PCMTD2: variants seen among roughly 807,000 people sequenced by gnomAD.
PCMTD2 encodes the protein protein-L-isoaspartate O-methyltransferase domain-containing protein 2.
A neutral mutation model predicts 33.4 loss-of-function variants in PCMTD2; 16 were observed. The observed-to-expected ratio is 0.48, with a 90% CI of 0.32 to 0.73. The LOEUF (loss-of-function observed/expected upper bound fraction) is 0.73, where lower values mean the gene tolerates loss of function less well. Among genes scored for constraint, PCMTD2 ranks in the 30% least tolerant of loss-of-function variants. The pLI, the probability that PCMTD2 is intolerant of heterozygous loss-of-function variation, is 0.03. For synonymous variants in PCMTD2, 161 were observed against 160.8 expected, an observed-to-expected ratio of 1.00 and a Z score of -0.01; for missense variants, 374 against 449.9, an observed-to-expected ratio of 0.83 and a Z score of 1.53.
intron 5 of PCMTD2, among the ~76,000 whole-genome samples, chr20:64,269,690 A>G (rs1985804935): frequency 6.6e-6 from 1 of 151,628 alleles, no homozygotes; most frequent in African/African-American, 2.4e-5. Flanking sequence ...TATGGGGTCA[A>G]AGTGAGTGTA....
chr20:64,261,654 G>A (rs767121549), intron 2 of PCMTD2, among the ~76,000 whole-genome samples: 23 of 152,018 alleles, frequency 1.5e-4, no homozygotes, highest in Non-Finnish European at 1.2e-4. Flanking sequence ...TTTTGAGACC[G>A]ATTATTTTGG....
At position 64,275,878 on chromosome 20, in the gene PCMTD2, A is replaced by C. The variant is rs1986078224; in HGVS notation, c.*2278A>C. Reference sequence around the variant, plus strand: ...AACAAGTTTCAAGTTTATAGATATTAAGTTTGTAATGTGAGCATCAAATGT... The same window carrying C: ...AACAAGTTTCAAGTTTATAGATATTCAGTTTGTAATGTGAGCATCAAATGT... On this transcript the variant is annotated 3_prime_UTR_variant, in exon 6 of 6. Transcript: ENST00000308824. The C allele has an allele frequency of 6.6e-6, 1 of 152,226 alleles. No individual in the cohort carries two copies. The highest frequency in any genetic ancestry group is 2.4e-5 in the African/African-American group (1 of 41,450). 9.4% of individuals were successfully genotyped at this position (152,226 alleles called of 1,614,324 possible). A position where few individuals can be genotyped will look rare whatever the true frequency, so the allele number is the denominator to read the frequency against.
rs571323248 is a variant in PCMTD2 at position 64,273,818 on chromosome 20, A to G, written c.*218A>G. On this transcript the variant is annotated 3_prime_UTR_variant, in exon 6 of 6. Transcript: ENST00000308824. ...CATAGTTCCACAAGACCTTCATTGC[A>G]TAGAAGATTGTTTTCCCAAAGTGGA... The G allele has an allele frequency of 1.4e-4, 59 of 416,490 alleles. No homozygotes were observed. The highest frequency in any genetic ancestry group is 1.1e-3 in the African/African-American group (54 of 49,034). The allele number at this position is 416,490 out of a possible 1,614,324, so 25.8% of individuals were successfully genotyped here. A position where few individuals can be genotyped will look rare whatever the true frequency, so the allele number is the denominator to read the frequency against.
intron 2 of PCMTD2, among the ~76,000 whole-genome samples, chr20:64,263,878 G>A (rs888851881): frequency 9.2e-5 from 14 of 152,186 alleles, no homozygotes; most frequent in African/African-American, 2.9e-4. Context: ...CCCAGTTAAC[G>A]TAGGGGCAGT....
At chr20:64,269,852 C>A (rs1482270625) in intron 5 of PCMTD2, among the ~76,000 whole-genome samples, 5 of 141,936 alleles carry the variant, frequency 3.5e-5, no homozygotes, top group Admixed American at 7.0e-5. Flanking sequence ...TGGGTGCTGG[C>A]GTGTGGGGGG....
intron 2 of PCMTD2, among the ~76,000 whole-genome samples, chr20:64,260,504 C>G (rs181976950): frequency 2.2e-3 from 329 of 152,278 alleles, no homozygotes; most frequent in Non-Finnish European, 3.5e-3. Context: ...TCTCTGTCCC[C>G]TCTTCCTGTG....
intron 5 of PCMTD2, 127 bp downstream of exon 5, chr20:64,268,137 A>C: frequency 2.4e-6 from 1 of 415,924 alleles, no homozygotes; most frequent in Non-Finnish European, 4.2e-6. Context: ...CTGAAACTGT[A>C]AAATTCTACA....
At chr20:64,261,285 G>C (rs1185857749) in intron 2 of PCMTD2, among the ~76,000 whole-genome samples, 1 of 152,214 alleles carries the variant, frequency 6.6e-6, no homozygotes, top group Non-Finnish European at 1.5e-5. Context: ...CAGGGGCCAG[G>C]CTGCTGAGGC....
chr20:64,267,209 C>T (rs1170851377), intron 4 of PCMTD2, among the ~76,000 whole-genome samples: 1 of 152,162 alleles, frequency 6.6e-6, no homozygotes, highest in Non-Finnish European at 1.5e-5. Context: ...GTCTCTGGTG[C>T]TCGTAATACT....
chr20:64,273,926 T>G lies in PCMTD2; in HGVS notation c.*326T>G. The G allele has an allele frequency of 4.5e-6, 1 of 220,166 alleles. No individual in the cohort carries two copies. Among genetic ancestry groups the G allele is most frequent in the Non-Finnish European group, 8.9e-6 (1 of 112,634 alleles). The allele number at this position is 220,166 out of a possible 1,614,324, so 13.6% of individuals were successfully genotyped here. ...TGAAGTCTGCGTAAGAGAGACTGTTTGATGACCGTCCCTCATGCAACATGC... is the reference window on the plus strand; with the variant it reads ...TGAAGTCTGCGTAAGAGAGACTGTTGGATGACCGTCCCTCATGCAACATGC... On this transcript the variant is annotated 3_prime_UTR_variant, in exon 6 of 6. Transcript: ENST00000308824.
chr20:64,275,298 A>G lies in PCMTD2; in HGVS notation c.*1698A>G, dbSNP rs1986064107. ...TTGTAGTTTGGAGATCCTTGTGGGC[A>G]TTATTCTAACTGATACGTAGACACT... On this transcript the variant is annotated 3_prime_UTR_variant, in exon 6 of 6. Transcript: ENST00000308824. 1 of 152,200 alleles carries G rather than the reference A, an allele frequency of 6.6e-6. No homozygotes were observed. Among genetic ancestry groups the G allele is most frequent in the Admixed American group, 6.5e-5 (1 of 15,278 alleles). The allele number at this position is 152,200 out of a possible 1,614,324, so 9.4% of individuals were successfully genotyped here.
intron 1 of PCMTD2, among the ~76,000 whole-genome samples, chr20:64,258,371 CAATTCAAAA>C (rs1985258087): frequency 6.6e-6 from 1 of 152,114 alleles, no homozygotes; most frequent in Non-Finnish European, 1.5e-5. Context: ...GGCTCCGAAA[CAATTCAAAA>C]AATTCAAAAA....
Position 64,265,478 on chromosome 20 carries a change from C to G in PCMTD2, c.582+49C>G, listed in dbSNP as rs1220532003. ...ATTTCTGCACACTGTGTGCCAAGGT[C>G]TGTTCTGGGCAGTGTACGGATACTT... is the stretch of plus-strand genomic sequence containing the variant. On this transcript the variant is annotated intron_variant, in intron 4 of 5. Coordinates refer to ENST00000308824, the MANE Select transcript of PCMTD2 (RefSeq NM_018257.3). 2.1e-6 allele frequency: 3 copies of G among 1,407,622 alleles called. No individual in the cohort carries two copies. In the South Asian group the frequency reaches 3.9e-5, roughly 18 times the overall value. The allele number at this position is 1,407,622 out of a possible 1,614,324, so 87.2% of individuals were successfully genotyped here. A position where few individuals can be genotyped will look rare whatever the true frequency, so the allele number is the denominator to read the frequency against.
chr20:64,272,325 AT>A, intron 5 of PCMTD2: 2 of 367,392 alleles, frequency 5.4e-6, no homozygotes, highest in South Asian at 1.9e-5. Flanking sequence ...AGTGATGCTG[AT>A]TTTCAGTTTA....
Position 64,264,439 on chromosome 20 carries a change from T to A in PCMTD2, c.318T>A (p.Gly106=), listed in dbSNP as rs768787975. Residue 106 remains glycine, a synonymous_variant, in exon 3 of 6, where the codon GGT becomes GGA. Transcript: ENST00000308824. ...TCTTAAACCTTTTAGGTCCTTTTGG[T>A]GTGAACCATGGGGTGGAACTTCACT... ...SMVGLILGPF[G]VNHGVELHSD... is the part of the protein sequence containing the mutation. 11 of 1,573,498 alleles carry A rather than the reference T, an allele frequency of 7.0e-6. No individual in the cohort carries two copies. In the East Asian group the frequency reaches 2.5e-4, roughly 35 times the overall value.
chr20:64,267,900 C>T lies in PCMTD2; in HGVS notation c.596C>T (p.Thr199Ile). 6.2e-7 allele frequency: 1 copy of T among 1,613,518 alleles called. No homozygotes were observed. Among genetic ancestry groups the T allele is most frequent in the Non-Finnish European group, 8.5e-7 (1 of 1,179,534 alleles). The part of the protein sequence containing the change: ...MPLEEKLTKI[T>I]RTGPSAWETK... ...TCTCTGGGATAGTTGACTAAGATAA[C>T]ACGCACAGGTCCTTCAGCTTGGGAA... The change falls in exon 5 of 6, where the codon ACA becomes ATA. Residue 199 changes from threonine to isoleucine, a missense_variant. Coordinates refer to ENST00000308824, the MANE Select transcript of PCMTD2 (RefSeq NM_018257.3).
rs1291664837 is a variant in PCMTD2 at position 64,275,601 on chromosome 20, A to G, written c.*2001A>G. 5 of 152,218 alleles carry G rather than the reference A, an allele frequency of 3.3e-5. No individual in the cohort carries two copies. The highest frequency in any genetic ancestry group is 4.8e-5 in the African/African-American group (2 of 41,470). 9.4% of individuals were successfully genotyped at this position (152,218 alleles called of 1,614,324 possible). On this transcript the variant is annotated 3_prime_UTR_variant, in exon 6 of 6. Transcript: ENST00000308824. ...TTTAAAAAAAATCTGGTGGTAATAT[A>G]TGTGAGAAATACTTTGGTGTTTACC...
Position 64,260,204 on chromosome 20 carries a change from C to G in PCMTD2, c.239C>G (p.Pro80Arg). ...GTGATGGAAGCCCTAGATCTGCAGC[C>G]TGGACTCTCGTTTCTGAACCTGGGC... ...SEVMEALDLQ[P>R]GLSFLNLGSG... is the part of the protein sequence containing the mutation. Residue 80 changes from proline to arginine, a missense_variant, in exon 2 of 6, where the codon CCT becomes CGT. Pro to Arg is a moderately radical substitution (Grantham distance 103, BLOSUM62 -2). Transcript: ENST00000308824. The G allele has an allele frequency of 1.2e-6, 2 of 1,613,854 alleles. No homozygotes were observed. The highest frequency in any genetic ancestry group is 1.7e-6 in the Non-Finnish European group (2 of 1,179,684).
chr20:64,275,024 GTC>G lies in PCMTD2; in HGVS notation c.*1428_*1429del, dbSNP rs1986057069. The G allele has an allele frequency of 6.6e-6, 1 of 152,070 alleles. No homozygotes were observed. The highest frequency in any genetic ancestry group is 1.5e-5 in the Non-Finnish European group (1 of 68,004). 9.4% of individuals were successfully genotyped at this position (152,070 alleles called of 1,614,324 possible). A position where few individuals can be genotyped will look rare whatever the true frequency, so the allele number is the denominator to read the frequency against. On this transcript the variant is annotated 3_prime_UTR_variant, in exon 6 of 6. Coordinates refer to ENST00000308824, the MANE Select transcript of PCMTD2 (RefSeq NM_018257.3). ...TTCTTGGGAGTTGCTGGGCTTCAGT[GTC>G]TCTGTGGTTTCACCAGCTTAGCTTG...
Sources: gnomAD v4.1 joint callset for allele counts (sites outside exome capture counted in the v4.1 genomes callset) on GRCh38, gnomAD v4.1.1 for gene constraint, MANE v1.5 for transcripts, NCBI Gene and HGNC (gene_info 2026-07-23, HGNC 2026-07-21) for gene names.